CCBE1: variants seen among roughly 807,000 people sequenced by gnomAD.
CCBE1 encodes the protein collagen and calcium-binding EGF domain-containing protein 1.
In CCBE1, 37 loss-of-function variants were observed where a neutral mutation model predicts 50.0. The observed-to-expected ratio is 0.74, with a 90% CI of 0.57 to 0.97. CCBE1 has a LOEUF of 0.97. CCBE1 is among the 50% of genes least tolerant of loss of function. CCBE1 has a pLI of 0.00. For synonymous variants in CCBE1, 234 were observed against 203.7 expected, an observed-to-expected ratio of 1.15 and a Z score of -1.27; for missense variants, 538 against 523.8, an observed-to-expected ratio of 1.03 and a Z score of -0.26.
chr18:59,450,562 C>G (rs947807652), intron 6 of CCBE1, among the ~76,000 whole-genome samples: 11 of 152,218 alleles, frequency 7.2e-5, no homozygotes, highest in Non-Finnish European at 1.3e-4. Context: ...GAGACAGAAT[C>G]TCACTCTATC....
At chr18:59,637,482 G>A (rs952302637) in intron 2 of CCBE1, among the ~76,000 whole-genome samples, 3 of 151,778 alleles carry the variant, frequency 2.0e-5, no homozygotes, top group Non-Finnish European at 4.4e-5. Context: ...CACCCCAGAA[G>A]GACAGATAAA....
chr18:59,638,703 G>T (rs750878097), intron 2 of CCBE1, among the ~76,000 whole-genome samples: 1 of 152,108 alleles, frequency 6.6e-6, no homozygotes, highest in Non-Finnish European at 1.5e-5. Flanking sequence ...ACAATCACAG[G>T]CTACCAAAAC....
chr18:59,514,056 T>A, intron 2 of CCBE1, among the ~76,000 whole-genome samples: 1 of 152,164 alleles, frequency 6.6e-6, no homozygotes, highest in Admixed American at 6.5e-5. Flanking sequence ...TTACTATCCT[T>A]TCCAATGAAC....
At chr18:59,617,988 A>C (rs919230816) in intron 2 of CCBE1, among the ~76,000 whole-genome samples, 1 of 152,226 alleles carries the variant, frequency 6.6e-6, no homozygotes, top group Admixed American at 6.5e-5. Flanking sequence ...TTGAGGACAA[A>C]GTAGATGTGG....
At chr18:59,516,608 G>T (rs143294151) in intron 2 of CCBE1, among the ~76,000 whole-genome samples, 1 of 152,310 alleles carries the variant, frequency 6.6e-6, no homozygotes, top group Non-Finnish European at 1.5e-5. Flanking sequence ...CTCCTGTTAT[G>T]ACTCATCTTC....
chr18:59,616,844 C>T (rs890023613), intron 2 of CCBE1, among the ~76,000 whole-genome samples: 1 of 152,188 alleles, frequency 6.6e-6, no homozygotes. Context: ...AAGCCTTTCT[C>T]ATCCTGACTT....
chr18:59,493,115 T>C (rs145605990), intron 2 of CCBE1, among the ~76,000 whole-genome samples: 1 of 152,326 alleles, frequency 6.6e-6, no homozygotes, highest in East Asian at 1.9e-4. Flanking sequence ...TGCAGGTCAG[T>C]CACTTGAGAA....
chr18:59,536,193 T>A (rs1027668001), intron 2 of CCBE1, among the ~76,000 whole-genome samples: 19 of 152,268 alleles, frequency 1.2e-4, no homozygotes, highest in African/African-American at 4.6e-4. Flanking sequence ...ATAGTGAAAC[T>A]TTGATCAAAT....
intron 2 of CCBE1, among the ~76,000 whole-genome samples, chr18:59,640,481 C>T (rs1400279044): frequency 6.6e-6 from 1 of 152,114 alleles, no homozygotes. Context: ...AAAATCAACT[C>T]AAGATGGATT....
At chr18:59,578,230 C>T (rs2053028803) in intron 2 of CCBE1, among the ~76,000 whole-genome samples, 1 of 152,138 alleles carries the variant, frequency 6.6e-6, no homozygotes, top group African/African-American at 2.4e-5. Context: ...TAGAGAGATG[C>T]AAATCAAAAC....
chr18:59,437,507 C>T (rs1056537972), intron 10 of CCBE1, among the ~76,000 whole-genome samples: 1 of 152,160 alleles, frequency 6.6e-6, no homozygotes, highest in African/African-American at 2.4e-5. Flanking sequence ...TGGGAACCCA[C>T]GACTCCTACC....
At chr18:59,625,344 T>C (rs2053767048) in intron 2 of CCBE1, among the ~76,000 whole-genome samples, 1 of 146,852 alleles carries the variant, frequency 6.8e-6, no homozygotes, top group Non-Finnish European at 1.5e-5. Flanking sequence ...GGCAGGAGAA[T>C]GGTGTGAATC....
At chr18:59,534,722 A>G (rs1393072259) in intron 2 of CCBE1, among the ~76,000 whole-genome samples, 5 of 152,158 alleles carry the variant, frequency 3.3e-5, no homozygotes, top group Middle Eastern at 3.2e-3. Flanking sequence ...CACTGTAGAG[A>G]ATGAGGCTCC....
Position 59,569,842 on chromosome 18 carries a change from G to C in CCBE1, c.213-89604C>G, listed in dbSNP as rs1053946685. ...GATGGAGTCTTGCTCTGTTACCCAG[G>C]CTGGTCTTAAACTCCTGGCCTCAAG... On this transcript the variant is annotated intron_variant, in intron 2 of 10. Coordinates refer to ENST00000439986, the MANE Select transcript of CCBE1 (RefSeq NM_133459.4). 6.6e-5 allele frequency among the ~76,000 whole-genome samples: 10 copies of C among 152,118 alleles called. 1 individual carries two copies. The South Asian group carries it at 2.1e-3, about 32-fold the overall frequency.
chr18:59,468,624 T>G (rs1911869085), intron 4 of CCBE1, among the ~76,000 whole-genome samples: 1 of 151,918 alleles, frequency 6.6e-6, no homozygotes, highest in African/African-American at 2.4e-5. Context: ...GAAATGGTGC[T>G]CCCTAGAGCC....
Position 59,589,183 on chromosome 18 carries a change from C to A in CCBE1, c.212+107446G>T, listed in dbSNP as rs8084137. Among the ~76,000 whole-genome samples, 1,350 of 152,218 alleles carry A rather than the reference C, an allele frequency of 8.9e-3. 18 individuals are homozygous for A. The highest frequency in any genetic ancestry group is 0.03 in the African/African-American group (1,258 of 41,516). ...CTGGTCTCTATCTCAGCCTTAGGGG[C>A]AGTATATCTACTTCCTAGATTGCCA... On this transcript the variant is annotated intron_variant, in intron 2 of 10. Coordinates refer to ENST00000439986, the MANE Select transcript of CCBE1 (RefSeq NM_133459.4).
rs146204257 is a variant in CCBE1 at position 59,488,909 on chromosome 18, G to A, written c.213-8671C>T. ...CGAGCCCACCTGAAAGACACTGAGT[G>A]CTGCAAGCAGGGACATCAGGACACA... On this transcript the variant is annotated intron_variant, in intron 2 of 10. Coordinates refer to ENST00000439986, the MANE Select transcript of CCBE1 (RefSeq NM_133459.4). Among the ~76,000 whole-genome samples the A allele has an allele frequency of 9.3e-3, 1,422 of 152,208 alleles. 23 individuals carry two copies. The highest frequency in any genetic ancestry group is 0.033 in the African/African-American group (1,352 of 41,528).
intron 3 of CCBE1, among the ~76,000 whole-genome samples, chr18:59,476,985 C>CT (rs1912337544): frequency 6.6e-6 from 1 of 152,204 alleles, no homozygotes. Context: ...GTTCCTATAA[C>CT]TTTATGTTAT....
intron 2 of CCBE1, among the ~76,000 whole-genome samples, chr18:59,689,293 G>A (rs1391427813): frequency 6.6e-6 from 1 of 152,194 alleles, no homozygotes; most frequent in African/African-American, 2.4e-5. Context: ...TCCAGATGAG[G>A]CAAATAGAAT....
Sources: gnomAD v4.1 joint callset for allele counts (sites outside exome capture counted in the v4.1 genomes callset) on GRCh38, gnomAD v4.1.1 for gene constraint, MANE v1.5 for transcripts, NCBI Gene and HGNC (gene_info 2026-07-23, HGNC 2026-07-21) for gene names.